The following TIMMDC1 variants were observed in gnomAD, a reference collection of about 807,000 sequenced individuals.
TIMMDC1 encodes the protein complex I assembly factor TIMMDC1, mitochondrial.
In TIMMDC1, 25 loss-of-function variants were observed where a neutral mutation model predicts 32.6. The observed-to-expected ratio is 0.77, with a 90% CI of 0.56 to 1.07. The LOEUF is 1.07. Ranked by LOEUF, TIMMDC1 falls within the 50% of genes least tolerant of loss-of-function variation. The pLI is 0.00. For missense variants in TIMMDC1, 329 were observed against 349.2 expected (o/e 0.94, Z 0.46); for synonymous variants, 130 against 127.6 (o/e 1.02, Z -0.13).
intron 1 of TIMMDC1, among the ~76,000 whole-genome samples, chr3:119,499,406 G>C (rs2081852060): frequency 8.0e-6 from 1 of 124,690 alleles, no homozygotes; most frequent in African/African-American, 3.1e-5. Context: ...GCCCAAACTC[G>C]TATTTTTCTT....
chr3:119,524,069 T>C lies in TIMMDC1; in HGVS notation c.*313T>C, dbSNP rs1477300147. The C allele has an allele frequency of 5.3e-6, 1 of 187,950 alleles. No homozygotes were observed. The highest frequency in any genetic ancestry group is 2.3e-5 in the African/African-American group (1 of 42,816). The allele number at this position is 187,950 out of a possible 1,614,324, so 11.6% of individuals were successfully genotyped here. ...AAAACATTTCGCAAAAGATTAAAGTTGAATTTTACAGTTCGTATATTCATG... is the reference window on the plus strand; with the variant it reads ...AAAACATTTCGCAAAAGATTAAAGTCGAATTTTACAGTTCGTATATTCATG... On this transcript the variant is annotated 3_prime_UTR_variant, in exon 7 of 7. Transcript: ENST00000494664.
chr3:119,501,447 C>G (rs982762637), intron 2 of TIMMDC1, among the ~76,000 whole-genome samples: 1 of 152,054 alleles, frequency 6.6e-6, no homozygotes, highest in African/African-American at 2.4e-5. Context: ...ATAATATGTA[C>G]TAATTTGTTC....
chr3:119,511,508 G>A (rs929296342), intron 4 of TIMMDC1, among the ~76,000 whole-genome samples: 13 of 151,420 alleles, frequency 8.6e-5, no homozygotes, highest in African/African-American at 3.1e-4. Flanking sequence ...AAAAAAATTT[G>A]TGCGTAAGTA....
chr3:119,517,429 A>T (rs1417689747), intron 6 of TIMMDC1, 114 bp downstream of exon 6: 1 of 662,924 alleles, frequency 1.5e-6, no homozygotes, highest in Non-Finnish European at 2.7e-6. Flanking sequence ...AGAAGAGTTT[A>T]TTTTTACCAA....
intron 6 of TIMMDC1, among the ~76,000 whole-genome samples, chr3:119,520,051 C>T (rs2082014892): frequency 6.6e-6 from 1 of 152,104 alleles, no homozygotes; most frequent in African/African-American, 2.4e-5. Flanking sequence ...TTAAAAATTT[C>T]TTGAAACAAA....
At chr3:119,504,764 A>G (rs2081907210) in intron 4 of TIMMDC1, among the ~76,000 whole-genome samples, 1 of 152,202 alleles carries the variant, frequency 6.6e-6, no homozygotes, top group Non-Finnish European at 1.5e-5. Context: ...CTAACAGTGT[A>G]TTGTATACTT....
At chr3:119,505,425 G>A (rs929786910) in intron 4 of TIMMDC1, among the ~76,000 whole-genome samples, 14 of 151,584 alleles carry the variant, frequency 9.2e-5, no homozygotes, top group Admixed American at 3.3e-4. Flanking sequence ...GTACAATGGC[G>A]CGATCTCAGC....
intron 4 of TIMMDC1, among the ~76,000 whole-genome samples, chr3:119,511,167 T>G (rs2081949611): frequency 6.6e-6 from 1 of 152,132 alleles, no homozygotes; most frequent in African/African-American, 2.4e-5. Context: ...AAAACATTTT[T>G]CAATATATTT....
At chr3:119,513,475 G>C (rs1577100141) in intron 4 of TIMMDC1, among the ~76,000 whole-genome samples, 166 bp from the exon 5 acceptor site, 1 of 152,308 alleles carries the variant, frequency 6.6e-6, no homozygotes, top group East Asian at 1.9e-4. Context: ...TGGATGGGAA[G>C]CTACCTGTGT....
At chr3:119,509,166 A>G (rs531336512) in intron 4 of TIMMDC1, among the ~76,000 whole-genome samples, 1 of 151,908 alleles carries the variant, frequency 6.6e-6, no homozygotes, top group East Asian at 1.9e-4. Context: ...AGATCGCGCC[A>G]CTGCACTCCA....
At chr3:119,509,793 C>G (rs1461264844) in intron 4 of TIMMDC1, among the ~76,000 whole-genome samples, 1 of 151,078 alleles carries the variant, frequency 6.6e-6, no homozygotes, top group Non-Finnish European at 1.5e-5. Context: ...TCAAGGGATT[C>G]TCCTGCCTCA....
At chr3:119,512,928 G>T (rs1422241937) in intron 4 of TIMMDC1, among the ~76,000 whole-genome samples, 1 of 152,034 alleles carries the variant, frequency 6.6e-6, no homozygotes, top group Non-Finnish European at 1.5e-5. Context: ...TTTAGTAGAG[G>T]CAGGGTTTTG....
chr3:119,518,238 T>C (rs2081998708), intron 6 of TIMMDC1, among the ~76,000 whole-genome samples: 2 of 152,172 alleles, frequency 1.3e-5, no homozygotes, highest in South Asian at 4.1e-4. Flanking sequence ...CAGGCTGCCA[T>C]CTAGTGCTCC....
chr3:119,511,287 G>A (rs1022056465), intron 4 of TIMMDC1, among the ~76,000 whole-genome samples: 1 of 151,928 alleles, frequency 6.6e-6, no homozygotes, highest in East Asian at 1.9e-4. Flanking sequence ...AGACCAGCCT[G>A]GCCAACATGG....
In TIMMDC1 at chr3:119,498,826, T is replaced by G; in HGVS notation, c.93T>G (p.Asp31Glu). The G allele has an allele frequency of 6.2e-7, 1 of 1,614,194 alleles. No individual in the cohort carries two copies. Among genetic ancestry groups the G allele is most frequent in the East Asian group, 2.2e-5 (1 of 44,870 alleles). The change falls in exon 1 of 7, where the codon GAT (aspartate) becomes GAG (glutamate). Residue 31 changes from aspartate to glutamate, a missense_variant. By Grantham distance (45) the Asp-to-Glu change is conservative. Transcript: ENST00000494664. ...RVFAAEAVTADSEVLEERQKR... is the reference protein window; with the variant it reads ...RVFAAEAVTAESEVLEERQKR... The stretch of plus-strand genomic sequence containing the variant: ...TTGCTGCCGAAGCTGTGACTGCCGA[T>G]TCGGAAGTCCTTGAGGAGCGTCAGA...
At chr3:119,504,228 A>G (rs955005882) in intron 4 of TIMMDC1, among the ~76,000 whole-genome samples, 1 of 152,222 alleles carries the variant, frequency 6.6e-6, no homozygotes, top group Non-Finnish European at 1.5e-5. Context: ...CTTTCTTTGA[A>G]TTTTAATGTC....
rs1373197799 is a variant in TIMMDC1, at chr3:119,503,552, C to T, written c.381C>T (p.Ala127=). ...FDAVQSAHRA[A]TRGFIRYGWR... ...TTTAGCAATCTGCACATCGTGCTGC[C>T]ACACGAGGCTTCATTCGTTATGGCT... The change falls in exon 3 of 7, where the codon GCC becomes GCT. Residue 127 remains alanine, a synonymous_variant. Coordinates refer to ENST00000494664, the MANE Select transcript of TIMMDC1 (RefSeq NM_016589.4). 16 of 1,611,156 alleles carry T rather than the reference C, an allele frequency of 9.9e-6. No homozygotes were observed. The highest frequency in any genetic ancestry group is 1.3e-5 in the Non-Finnish European group (15 of 1,179,118).
intron 5 of TIMMDC1, among the ~76,000 whole-genome samples, chr3:119,514,649 C>T (rs146372796): frequency 1.7e-4 from 26 of 152,254 alleles, no homozygotes; most frequent in African/African-American, 6.3e-4. Flanking sequence ...TTCTGTCACC[C>T]ATTATAAGTA....
chr3:119,514,054 G>A (rs538800870), intron 5 of TIMMDC1, among the ~76,000 whole-genome samples: 2 of 152,092 alleles, frequency 1.3e-5, no homozygotes, highest in South Asian at 2.1e-4. Context: ...ACTATAGTTC[G>A]AACACAGGTA....
Sources: allele counts gnomAD v4.1 joint callset (sites outside exome capture counted in the v4.1 genomes callset), GRCh38; gene constraint gnomAD v4.1.1; transcripts MANE v1.5; gene names NCBI Gene and HGNC (gene_info 2026-07-23, HGNC 2026-07-21).